RAD54L2: variants seen among roughly 807,000 people sequenced by gnomAD.
RAD54L2 encodes helicase ARIP4.
Under a neutral mutation model 138.4 loss-of-function variants are expected in RAD54L2, and 27 were observed. The observed-to-expected ratio is 0.20, with a 90% confidence interval of 0.14 to 0.27. The LOEUF is 0.27. Ranked by LOEUF, RAD54L2 falls within the 10% of genes least tolerant of loss-of-function variation. RAD54L2 has a pLI of 1.00. For synonymous variants in RAD54L2, 644 were observed against 723.2 expected, an observed-to-expected ratio of 0.89 and a Z score of 1.76; for missense variants, 1,396 against 1,890.2, an observed-to-expected ratio of 0.74 and a Z score of 4.85.
At chr3:51,570,525 C>T (rs991707296) in intron 2 of RAD54L2, among the ~76,000 whole-genome samples, 3 of 151,884 alleles carry the variant, frequency 2.0e-5, no homozygotes, top group Non-Finnish European at 2.9e-5. Flanking sequence ...GGCGCGATCT[C>T]GGCTCACTGC....
chr3:51,583,527 A>G (rs1699652433), intron 2 of RAD54L2, among the ~76,000 whole-genome samples: 1 of 149,838 alleles, frequency 6.7e-6, no homozygotes, highest in Non-Finnish European at 1.5e-5. Context: ...TCAAGCAATT[A>G]TCCTGCCTCA....
chr3:51,645,976 T>C lies in RAD54L2; in HGVS notation c.2829+213T>C, dbSNP rs186068476. ...GTCCTGGGAGTGCTAAGGTTAGCCA[T>C]GTATAGTAATTTGGCCAGTGAGTCT... On this transcript the variant is annotated intron_variant, in intron 18 of 22. Coordinates refer to ENST00000684192, the MANE Select transcript of RAD54L2 (RefSeq NM_015106.4). The surrounding 1 kb of genome is among the most constrained non-coding windows in gnomAD (Gnocchi z 6.1). Among the ~76,000 whole-genome samples, 62 of 152,222 alleles carry C rather than the reference T, an allele frequency of 4.1e-4. No individual in the cohort carries two copies. In the East Asian group the frequency reaches 0.011, roughly 28 times the overall value.
chr3:51,543,192 A>G (rs1473966515), intron 2 of RAD54L2, among the ~76,000 whole-genome samples: 1 of 152,050 alleles, frequency 6.6e-6, no homozygotes, highest in Non-Finnish European at 1.5e-5. Context: ...AAAAAGTCCC[A>G]CTAATATTCA....
chr3:51,657,519 T>C (rs950088447), intron 20 of RAD54L2, 61 bp from the exon 21 acceptor site: 8 of 1,182,886 alleles, frequency 6.8e-6, no homozygotes, highest in Non-Finnish European at 8.6e-6. Context: ...ACTTTGCAAT[T>C]TTCCCCCCTC....
At chr3:51,589,708 A>G (rs533695205) in intron 2 of RAD54L2, among the ~76,000 whole-genome samples, 1 of 151,390 alleles carries the variant, frequency 6.6e-6, no homozygotes, top group East Asian at 1.9e-4. Context: ...ACACACACAC[A>G]TACACACACA....
intron 14 of RAD54L2, 126 bp downstream of exon 14, chr3:51,640,125 G>A (rs1051990541): frequency 6.1e-6 from 4 of 654,936 alleles, no homozygotes; most frequent in African/African-American, 5.5e-5. Flanking sequence ...CTTGCATGTT[G>A]TCTGTCTCTT....
chr3:51,593,286 T>A (rs1441852855), intron 3 of RAD54L2, among the ~76,000 whole-genome samples: 1 of 151,764 alleles, frequency 6.6e-6, no homozygotes, highest in Non-Finnish European at 1.5e-5. Context: ...AGTACTGAGA[T>A]CTGAGAAACC....
At chr3:51,654,106 G>A (rs1701530350) in intron 19 of RAD54L2, among the ~76,000 whole-genome samples, 1 of 152,050 alleles carries the variant, frequency 6.6e-6, no homozygotes, top group Non-Finnish European at 1.5e-5. Context: ...GGAGTGTAAT[G>A]GTGTGATCTC....
At chr3:51,574,246 T>C (rs1699410724) in intron 2 of RAD54L2, among the ~76,000 whole-genome samples, 1 of 152,230 alleles carries the variant, frequency 6.6e-6, no homozygotes, top group Non-Finnish European at 1.5e-5. Context: ...AGCCTATCAC[T>C]GATGGACATT....
At chr3:51,608,395 C>T (rs974467134) in intron 3 of RAD54L2, among the ~76,000 whole-genome samples, 2 of 152,074 alleles carry the variant, frequency 1.3e-5, no homozygotes, top group Non-Finnish European at 1.5e-5. Flanking sequence ...GGCGGCCAGG[C>T]AGAGACGCTC....
intron 2 of RAD54L2, among the ~76,000 whole-genome samples, chr3:51,555,791 A>G (rs1160217902): frequency 6.6e-6 from 1 of 152,198 alleles, no homozygotes; most frequent in Non-Finnish European, 1.5e-5. Context: ...CAGTAATGAA[A>G]GAGTATATGC....
chr3:51,567,804 A>G (rs969739603), intron 2 of RAD54L2, among the ~76,000 whole-genome samples: 1 of 151,984 alleles, frequency 6.6e-6, no homozygotes, highest in Non-Finnish European at 1.5e-5. Context: ...TCAGTACGTC[A>G]TATCCAAGCT....
chr3:51,614,374 G>GACCTTT (rs1307341524), intron 3 of RAD54L2, among the ~76,000 whole-genome samples: 1 of 151,822 alleles, frequency 6.6e-6, no homozygotes, highest in East Asian at 1.9e-4. Flanking sequence ...GTGTTCCTCA[G>GACCTTT]CCTGGTCTCG....
At position 51,541,629 on chromosome 3, in the gene RAD54L2, G is replaced by T. The variant is rs1698553332; in HGVS notation, c.-76G>T. 6.6e-6 allele frequency: 1 copy of T among 152,180 alleles called. No homozygotes were observed. Among genetic ancestry groups the T allele is most frequent in the Non-Finnish European group, 1.5e-5 (1 of 68,032 alleles). The allele number at this position is 152,180 out of a possible 1,614,324, so 9.4% of individuals were successfully genotyped here. A position where few individuals can be genotyped will look rare whatever the true frequency, so the allele number is the denominator to read the frequency against. ...TGATCACTTGGAGTGCTGTCCCTTG[G>T]AACAGGAGGAGTAAGATTGAGGTAA... On this transcript the variant is annotated 5_prime_UTR_variant, in exon 2 of 23. Transcript: ENST00000684192.
At chr3:51,624,398 A>G (rs1313192476) in intron 3 of RAD54L2, among the ~76,000 whole-genome samples, 1 of 151,858 alleles carries the variant, frequency 6.6e-6, no homozygotes, top group East Asian at 1.9e-4. Context: ...GCATGACACC[A>G]TGCTCATTTT....
intron 2 of RAD54L2, among the ~76,000 whole-genome samples, chr3:51,589,626 CA>C (rs1319387995): frequency 1.1e-4 from 16 of 151,548 alleles, no homozygotes; most frequent in African/African-American, 3.9e-4. Flanking sequence ...CATTTTCGCA[CA>C]ATTGTAAGTT....
chr3:51,592,499 A>G (rs755475369), intron 3 of RAD54L2, among the ~76,000 whole-genome samples: 17 of 152,092 alleles, frequency 1.1e-4, no homozygotes, highest in African/African-American at 1.2e-4. Flanking sequence ...CTCAAGGACC[A>G]TTTTTATATT....
At chr3:51,565,410 A>AAT (rs1164566494) in intron 2 of RAD54L2, among the ~76,000 whole-genome samples, 1 of 152,250 alleles carries the variant, frequency 6.6e-6, no homozygotes, top group East Asian at 1.9e-4. Flanking sequence ...TGTCTTAAAA[A>AAT]ATATATATGT....
chr3:51,618,119 C>T (rs868631984), intron 3 of RAD54L2, among the ~76,000 whole-genome samples: 7 of 151,068 alleles, frequency 4.6e-5, no homozygotes, highest in Non-Finnish European at 5.9e-5. Flanking sequence ...CCACCATGCC[C>T]GGCTAATATT....
Sources: allele counts gnomAD v4.1 joint callset (sites outside exome capture counted in the v4.1 genomes callset), GRCh38; gene constraint gnomAD v4.1.1; non-coding constraint Gnocchi (gnomAD v3.1); transcripts MANE v1.5; gene names NCBI Gene and HGNC (gene_info 2026-07-23, HGNC 2026-07-21).